RHOV: variants seen among roughly 807,000 people sequenced by gnomAD.
The protein encoded by RHOV is rho-related GTP-binding protein RhoV.
Under a neutral mutation model 20.2 loss-of-function variants are expected in RHOV, and 6 were observed. The observed-to-expected ratio is 0.30, with a 90% CI of 0.16 to 0.59. The LOEUF (loss-of-function observed/expected upper bound fraction) is 0.59, where lower values mean the gene tolerates loss of function less well. RHOV is among the 20% of genes least tolerant of loss of function. The pLI, the probability that RHOV is intolerant of heterozygous loss-of-function variation, is 0.89. For synonymous variants in RHOV, 136 were observed against 142.3 expected, an observed-to-expected ratio of 0.96 and a Z score of 0.31; for missense variants, 275 against 319.4, an observed-to-expected ratio of 0.86 and a Z score of 1.06.
rs1215857560 is a variant in RHOV at position 40,872,937 on chromosome 15, A to G, written c.*121T>C. ...AGGCCCATGTCCCCCGAGTGTTCAGAAGGGAACTGAGTCCTATGAGGTGGC... is the reference window on the plus strand; with the variant it reads ...AGGCCCATGTCCCCCGAGTGTTCAGGAGGGAACTGAGTCCTATGAGGTGGC... On this transcript the variant is annotated 3_prime_UTR_variant, in exon 3 of 3. Coordinates refer to ENST00000220507, the MANE Select transcript of RHOV (RefSeq NM_133639.4). 5.6e-6 allele frequency: 4 copies of G among 708,872 alleles called. No individual in the cohort carries two copies. The highest frequency in any genetic ancestry group is 9.8e-6 in the Non-Finnish European group (4 of 408,932). The allele number at this position is 708,872 out of a possible 1,614,324, so 43.9% of individuals were successfully genotyped here.
Position 40,873,969 on chromosome 15 carries a change from G to T in RHOV, c.171C>A (p.Pro57=). Residue 57 remains proline (P), a synonymous_variant, in exon 1 of 3, where the codon CCC becomes CCA. Transcript: ENST00000220507. ...CCAGCGCAGTGGGCCGGTAGCGCGC[G>T]GGGTACCCATTGCAGGTGTAGCTGA... is the stretch of plus-strand genomic sequence containing the variant. The part of the protein sequence containing the change: ...LIVSYTCNGY[P]ARYRPTALDT... The T allele has an allele frequency of 6.2e-7, 1 of 1,611,332 alleles. No homozygotes were observed. Among genetic ancestry groups the T allele is most frequent in the Non-Finnish European group, 8.5e-7 (1 of 1,179,168 alleles).
chr15:40,872,806 A>G lies in RHOV; in HGVS notation c.*252T>C. The G allele has an allele frequency of 6.0e-6, 3 of 496,610 alleles. No individual in the cohort carries two copies. The highest frequency in any genetic ancestry group is 7.4e-5 in the Admixed American group (2 of 26,908). The allele number at this position is 496,610 out of a possible 1,614,324, so 30.8% of individuals were successfully genotyped here. A position where few individuals can be genotyped will look rare whatever the true frequency, so the allele number is the denominator to read the frequency against. ...TGACTGACCCTGTTAGGACCATCCC[A>G]TGAAAATCAAAGTGCCAGGTTTTTT... On this transcript the variant is annotated 3_prime_UTR_variant, in exon 3 of 3. Coordinates refer to ENST00000220507, the MANE Select transcript of RHOV (RefSeq NM_133639.4).
Position 40,874,149 on chromosome 15 carries a change from C to CG in RHOV, c.-11dup. On this transcript the variant is annotated 5_prime_UTR_variant, in exon 1 of 3. Coordinates refer to ENST00000220507, the MANE Select transcript of RHOV (RefSeq NM_133639.4). ...GCTCCCGCGGCGGCATGGCCCGCTCCGGGGGCAGCAGAGGGGCCAGCCCGG... is the reference window on the plus strand; with the variant it reads ...GCTCCCGCGGCGGCATGGCCCGCTCCGGGGGGCAGCAGAGGGGCCAGCCCGG... 1 of 1,285,572 alleles carries CG rather than the reference C, an allele frequency of 7.8e-7. No individual in the cohort carries two copies. The highest frequency in any genetic ancestry group is 9.9e-7 in the Non-Finnish European group (1 of 1,007,378). The allele number at this position is 1,285,572 out of a possible 1,614,324, so 79.6% of individuals were successfully genotyped here.
In RHOV at chr15:40,873,752, CG is replaced by C; in HGVS notation, c.209-11del. The C allele has an allele frequency of 6.2e-7, 1 of 1,612,400 alleles. No individual in the cohort carries two copies. On this transcript the variant is annotated splice_polypyrimidine_tract_variant and intron_variant, in intron 1 of 2. Coordinates refer to ENST00000220507, the MANE Select transcript of RHOV (RefSeq NM_133639.4). ...TCCACCAGGACTTGCACTGCAGGGG[CG>C]GGGCGGGGAGAGCCTGAGTTAGGAA... is the stretch of plus-strand genomic sequence containing the variant.
intron 1 of RHOV, 83 bp from the exon 2 acceptor site, chr15:40,873,825 T>C: frequency 6.5e-7 from 1 of 1,548,244 alleles, no homozygotes; most frequent in Non-Finnish European, 8.8e-7. Flanking sequence ...TGCTCCAGTC[T>C]CCTCCCCGGG....
chr15:40,873,976 C>A lies in RHOV; in HGVS notation c.164G>T (p.Gly55Val), dbSNP rs1891925244. ...SSLIVSYTCN[G>V]YPARYRPTAL... ...AGTGGGCCGGTAGCGCGCGGGGTACCCATTGCAGGTGTAGCTGACGATGAG... is the reference window on the plus strand; with the variant it reads ...AGTGGGCCGGTAGCGCGCGGGGTACACATTGCAGGTGTAGCTGACGATGAG... Residue 55 changes from glycine (G) to valine (V), a missense_variant, in exon 1 of 3, where the codon GGG (glycine) becomes GTG (valine). Transcript: ENST00000220507. 6.2e-7 allele frequency: 1 copy of A among 1,611,236 alleles called. No homozygotes were observed. The highest frequency in any genetic ancestry group is 1.3e-5 in the African/African-American group (1 of 74,656).
rs1388301010 is a variant in RHOV at position 40,873,534 on chromosome 15, C to T, written c.268-33G>A. The T allele has an allele frequency of 3.1e-6, 5 of 1,591,574 alleles. No individual in the cohort carries two copies. In the East Asian group the frequency reaches 6.7e-5, roughly 21 times the overall value. ...GGGAAGGCCAGGTGGTAAGGATTAG[C>T]CCCCCGACACATGGAATCCATTTCT... On this transcript the variant is annotated intron_variant, in intron 2 of 2. Transcript: ENST00000220507.
Position 40,874,160 on chromosome 15 carries a change from G to C in RHOV, c.-21C>G. Reference sequence around the variant, plus strand: ...GGCATGGCCCGCTCCGGGGGCAGCAGAGGGGCCAGCCCGGGTCTCGGCTTC... The same window carrying C: ...GGCATGGCCCGCTCCGGGGGCAGCACAGGGGCCAGCCCGGGTCTCGGCTTC... On this transcript the variant is annotated 5_prime_UTR_variant, in exon 1 of 3. Transcript: ENST00000220507. 9.2e-6 allele frequency: 11 copies of C among 1,193,274 alleles called. No individual in the cohort carries two copies. Among genetic ancestry groups the C allele is most frequent in the Non-Finnish European group, 1.1e-5 (10 of 924,986 alleles). 73.9% of individuals were successfully genotyped at this position (1,193,274 alleles called of 1,614,324 possible).
At position 40,873,716 on chromosome 15, in the gene RHOV, C is replaced by T. The variant is rs774701533; in HGVS notation, c.235G>A (p.Val79Met). The change falls in exon 2 of 3, where the codon GTG (valine) becomes ATG (methionine). Residue 79 changes from valine (V) to methionine (M), a missense_variant. By Grantham distance (21) the Val-to-Met change is conservative. Coordinates refer to ENST00000220507, the MANE Select transcript of RHOV (RefSeq NM_133639.4). Reference protein sequence around the residue: ...SVQVLVDGAPVRIELWDTAGQ... With the variant: ...SVQVLVDGAPMRIELWDTAGQ... ...GCTGTGTCCCAGAGCTCAATGCGCA[C>T]CGGAGCTCCATCCACCAGGACTTGC... 1 of 1,613,916 alleles carries T rather than the reference C, an allele frequency of 6.2e-7. No homozygotes were observed. The highest frequency in any genetic ancestry group is 1.1e-5 in the South Asian group (1 of 91,084).
rs1891895039 is a variant in RHOV at position 40,872,236 on chromosome 15, T to G, written c.*822A>C. 6.6e-6 allele frequency: 1 copy of G among 152,296 alleles called. No individual in the cohort carries two copies. The highest frequency in any genetic ancestry group is 2.4e-5 in the African/African-American group (1 of 41,454). The allele number at this position is 152,296 out of a possible 1,614,324, so 9.4% of individuals were successfully genotyped here. ...GCCTTCACAGACTTAAGGTTTTATTTGCAGACTCTGCACTGCTCTAGCTTC... is the reference window on the plus strand; with the variant it reads ...GCCTTCACAGACTTAAGGTTTTATTGGCAGACTCTGCACTGCTCTAGCTTC... On this transcript the variant is annotated 3_prime_UTR_variant, in exon 3 of 3. Transcript: ENST00000220507.
Position 40,874,109 on chromosome 15 carries a change from G to A in RHOV, c.31C>T (p.Pro11Ser), listed in dbSNP as rs767496320. Residue 11 changes from proline (P) to serine (S), a missense_variant, in exon 1 of 3, where the codon CCG becomes TCG. By Grantham distance (74) the Pro-to-Ser change is moderately conservative. Transcript: ENST00000220507. MPPRELSEAE[P>S]PPLRAPTPPP... is the part of the protein sequence containing the mutation. ...GGGGTCGGGGCCCGGAGCGGGGGCG[G>A]CTCGGCCTCGCTCAGCTCCCGCGGC... 76 of 1,376,886 alleles carry A rather than the reference G, an allele frequency of 5.5e-5. No individual in the cohort carries two copies. The African/African-American group carries it at 6.7e-4, about 12-fold the overall frequency. The allele number at this position is 1,376,886 out of a possible 1,614,324, so 85.3% of individuals were successfully genotyped here.
rs1891915565 is a variant in RHOV, at chr15:40,873,379, G to A, written c.390C>T (p.Arg130=). 3 of 1,613,182 alleles carry A rather than the reference G, an allele frequency of 1.9e-6. No individual in the cohort carries two copies. In the African/African-American group the frequency reaches 4.0e-5, roughly 22 times the overall value. Residue 130 remains arginine, a synonymous_variant, in exon 3 of 3, where the codon CGC becomes CGT. Coordinates refer to ENST00000220507, the MANE Select transcript of RHOV (RefSeq NM_133639.4). ...NITEKWLPEI[R]THNPQAPVLL... Reference sequence around the variant, plus strand: ...GCACAGGCGCCTGGGGGTTGTGCGTGCGGATCTCGGGCAGCCATTTCTCTG... The same window carrying A: ...GCACAGGCGCCTGGGGGTTGTGCGTACGGATCTCGGGCAGCCATTTCTCTG...
In RHOV at chr15:40,872,298, A is replaced by G. The variant is rs1891895677; in HGVS notation, c.*760T>C. On this transcript the variant is annotated 3_prime_UTR_variant, in exon 3 of 3. Coordinates refer to ENST00000220507, the MANE Select transcript of RHOV (RefSeq NM_133639.4). Reference sequence around the variant, plus strand: ...ACCTTGAGGAAAGGGATGATCCCCAACCCGGTCCTCCTTCAGGTTCTAATT... The same window carrying G: ...ACCTTGAGGAAAGGGATGATCCCCAGCCCGGTCCTCCTTCAGGTTCTAATT... 1 of 152,508 alleles carries G rather than the reference A, an allele frequency of 6.6e-6. No individual in the cohort carries two copies. The highest frequency in any genetic ancestry group is 1.9e-4 in the East Asian group (1 of 5,194). The allele number at this position is 152,508 out of a possible 1,614,324, so 9.4% of individuals were successfully genotyped here.
chr15:40,872,675 C>T lies in RHOV; in HGVS notation c.*383G>A, dbSNP rs1289819137. The stretch of plus-strand genomic sequence containing the variant: ...CCTTCCAGCCCTCCATAATGCCAAG[C>T]GTTCCCCAAGCTCTTTCTCACCCCT... On this transcript the variant is annotated 3_prime_UTR_variant, in exon 3 of 3. Coordinates refer to ENST00000220507, the MANE Select transcript of RHOV (RefSeq NM_133639.4). 2.7e-5 allele frequency: 5 copies of T among 186,516 alleles called. No individual in the cohort carries two copies. The highest frequency in any genetic ancestry group is 1.5e-4 in the East Asian group (1 of 6,868). The allele number at this position is 186,516 out of a possible 1,614,324, so 11.6% of individuals were successfully genotyped here. A position where few individuals can be genotyped will look rare whatever the true frequency, so the allele number is the denominator to read the frequency against.
intron 1 of RHOV, 64 bp from the exon 2 acceptor site, chr15:40,873,806 C>G: frequency 7.0e-6 from 11 of 1,578,800 alleles, no homozygotes; most frequent in Non-Finnish European, 9.5e-6. Context: ...CCAGCGCCAC[C>G]TCGGGGCCTG....
rs547824549 is a variant in RHOV at position 40,873,463 on chromosome 15, A to G, written c.306T>C (p.Asp102=). Reference sequence around the variant, plus strand: ...TGAAGCACGCCAGGAAGACATCGGTATCCGGGTAGCAAAGGGAACGAAGTC... The same window carrying G: ...TGAAGCACGCCAGGAAGACATCGGTGTCCGGGTAGCAAAGGGAACGAAGTC... The part of the protein sequence containing the change: ...FDRLRSLCYP[D]TDVFLACFSV... Residue 102 remains aspartate, a synonymous_variant, in exon 3 of 3, where the codon GAT becomes GAC. Transcript: ENST00000220507. 1.9e-6 allele frequency: 3 copies of G among 1,602,978 alleles called. No homozygotes were observed. The African/African-American group carries it at 4.0e-5, about 21-fold the overall frequency.
chr15:40,873,776 G>T, intron 1 of RHOV, 34 bp from the exon 2 acceptor site: 1 of 1,608,316 alleles, frequency 6.2e-7, no homozygotes, highest in Non-Finnish European at 8.5e-7. Context: ...CCTGAGTTAG[G>T]AAGAGCGTCC....
chr15:40,873,959 G>A lies in RHOV; in HGVS notation c.181C>T (p.Arg61Trp). 2 of 1,611,178 alleles carry A rather than the reference G, an allele frequency of 1.2e-6. No homozygotes were observed. The highest frequency in any genetic ancestry group is 8.5e-7 in the Non-Finnish European group (1 of 1,179,122). The change falls in exon 1 of 3, where the codon CGG (arginine) becomes TGG (tryptophan). Residue 61 changes from arginine (R) to tryptophan (W), a missense_variant. By Grantham distance (101) the Arg-to-Trp change is moderately radical. Transcript: ENST00000220507. ...YTCNGYPARY[R>W]PTALDTFSVQ... ...GAGAAGGTGTCCAGCGCAGTGGGCC[G>A]GTAGCGCGCGGGGTACCCATTGCAG... is the stretch of plus-strand genomic sequence containing the variant.
Position 40,874,008 on chromosome 15 carries a change from C to T in RHOV, c.132G>A (p.Lys44=), listed in dbSNP as rs1298024122. 1 of 1,608,416 alleles carries T rather than the reference C, an allele frequency of 6.2e-7. No homozygotes were observed. The highest frequency in any genetic ancestry group is 8.5e-7 in the Non-Finnish European group (1 of 1,178,176). The change falls in exon 1 of 3, where the codon AAG becomes AAA. Residue 44 remains lysine, a synonymous_variant. Transcript: ENST00000220507. ...CVLVGDGAVG[K]SSLIVSYTCN... ...AGGTGTAGCTGACGATGAGGCTGCT[C>T]TTGCCCACGGCGCCGTCGCCCACCA...
Sources: gnomAD v4.1 joint callset for allele counts on GRCh38, gnomAD v4.1.1 for gene constraint, MANE v1.5 for transcripts, NCBI Gene and HGNC (gene_info 2026-07-23, HGNC 2026-07-21) for gene names.